SUFU: variants seen among roughly 807,000 people sequenced by gnomAD.
SUFU encodes the protein SUFU negative regulator of hedgehog signaling.
Under a neutral mutation model 58.9 loss-of-function variants are expected in SUFU, and 7 were observed. That is an observed-to-expected ratio of 0.12 (90% CI 0.07 to 0.22). The LOEUF is 0.22. Among genes scored for constraint, SUFU ranks in the 10% least tolerant of loss-of-function variants. SUFU has a pLI of 1.00. For missense variants in SUFU, 451 were observed against 641.3 expected, an observed-to-expected ratio of 0.70 and a Z score of 3.20; for synonymous variants, 232 against 254.8, an observed-to-expected ratio of 0.91 and a Z score of 0.85.
intron 11 of SUFU, 93 bp downstream of exon 11, chr10:102,627,336 T>G: frequency 8.5e-7 from 1 of 1,177,474 alleles, no homozygotes; most frequent in Non-Finnish European, 1.3e-6. Flanking sequence ...TGTGTGCGTG[T>G]GTACCTGTGG....
At chr10:102,529,210 A>G (rs1165535698) in intron 2 of SUFU, among the ~76,000 whole-genome samples, 1 of 152,210 alleles carries the variant, frequency 6.6e-6, no homozygotes, top group Non-Finnish European at 1.5e-5. Flanking sequence ...ATAAATAAAA[A>G]ATAATCTCTG....
At chr10:102,503,336 T>C (rs894239934), upstream of SUFU, among the ~76,000 whole-genome samples, 3 of 152,220 alleles carry the variant, frequency 2.0e-5, no homozygotes, top group Non-Finnish European at 4.4e-5. Context: ...GATCCGAAGA[T>C]TGGCAATTGG....
intron 3 of SUFU, among the ~76,000 whole-genome samples, chr10:102,580,258 T>G (rs1252382969): frequency 6.6e-6 from 1 of 152,222 alleles, no homozygotes; most frequent in East Asian, 1.9e-4. Context: ...TTGTAGCTTC[T>G]GAGCTGGGGA....
intron 3 of SUFU, among the ~76,000 whole-genome samples, chr10:102,566,398 G>A (rs1046366247): frequency 6.6e-5 from 10 of 152,190 alleles, no homozygotes; most frequent in African/African-American, 1.9e-4. Flanking sequence ...GGGAGGCTGA[G>A]ATGGGTGGAT....
rs1326254789 is a variant in SUFU at position 102,625,582 on chromosome 10, C to CA, written c.1297-1592dup. On this transcript the variant is annotated intron_variant, in intron 10 of 11. Coordinates refer to ENST00000369902, the MANE Select transcript of SUFU (RefSeq NM_016169.4). The surrounding 1 kb of genome is among the most constrained non-coding windows in gnomAD (Gnocchi z 4.7). Reference sequence around the variant, plus strand: ...AGTTCAGCATTCGGGAGCAGTACTCCAGGCACTAAATTGAGAGTCCAGACA... The same window carrying CA: ...AGTTCAGCATTCGGGAGCAGTACTCCAAGGCACTAAATTGAGAGTCCAGACA... 6.6e-6 allele frequency among the ~76,000 whole-genome samples: 1 copy of CA among 152,094 alleles called. No homozygotes were observed. Among genetic ancestry groups the CA allele is most frequent in the African/African-American group, 2.4e-5 (1 of 41,404 alleles).
At chr10:102,565,821 C>CAAGCGTAATCCCACCACGCCTGGCCGA (rs1590035603) in intron 3 of SUFU, among the ~76,000 whole-genome samples, 1 of 152,202 alleles carries the variant, frequency 6.6e-6, no homozygotes, top group East Asian at 1.9e-4. Flanking sequence ...GCTGGGATTA[C>CAAGCGTAATCCCACCACGCCTGGCCGA]AAGCGTGAGC....
chr10:102,553,136 T>G (rs2062935674), intron 3 of SUFU, among the ~76,000 whole-genome samples: 1 of 152,216 alleles, frequency 6.6e-6, no homozygotes, highest in Non-Finnish European at 1.5e-5. Flanking sequence ...ATTTTCCAGA[T>G]TTCTTGTGAT....
At chr10:102,550,742 CT>C (rs34653144) in intron 3 of SUFU, among the ~76,000 whole-genome samples, 48,096 of 139,090 alleles carry the variant, frequency 0.35, 8,104 homozygotes, top group African/African-American at 0.39. Flanking sequence ...GTTACAGTGA[CT>C]TTTTTTTTTT....
Position 102,534,322 on chromosome 10 carries a change from G to A in SUFU, c.318-15648G>A, listed in dbSNP as rs547023273. Among the ~76,000 whole-genome samples, 10 of 152,360 alleles carry A rather than the reference G, an allele frequency of 6.6e-5. No homozygotes were observed. The South Asian group carries it at 2.1e-3, about 32-fold the overall frequency. Reference sequence around the variant, plus strand: ...GGTGCCTATAGTCCCAGCTACTTGGGAGGCGGAGGCAGGAGAATGGCGTGA... The same window carrying A: ...GGTGCCTATAGTCCCAGCTACTTGGAAGGCGGAGGCAGGAGAATGGCGTGA... On this transcript the variant is annotated intron_variant, in intron 2 of 11. Coordinates refer to ENST00000369902, the MANE Select transcript of SUFU (RefSeq NM_016169.4).
At chr10:102,592,498 G>A in intron 3 of SUFU, 84 bp from the exon 4 acceptor site, 1 of 1,559,138 alleles carries the variant, frequency 6.4e-7, no homozygotes, top group South Asian at 1.1e-5. Context: ...AAGCCTCCCA[G>A]CCTGGGCTAG....
At chr10:102,582,564 C>A (rs566231919) in intron 3 of SUFU, among the ~76,000 whole-genome samples, 1 of 152,118 alleles carries the variant, frequency 6.6e-6, no homozygotes, top group Non-Finnish European at 1.5e-5. Flanking sequence ...CAGCACCCCC[C>A]ACGTTTTCAG....
chr10:102,512,992 T>A (rs2062419632), intron 2 of SUFU, among the ~76,000 whole-genome samples: 1 of 151,898 alleles, frequency 6.6e-6, no homozygotes, highest in African/African-American at 2.4e-5. Flanking sequence ...CACTGGAGCC[T>A]GGGAGTTTGA....
At chr10:102,547,829 G>A (rs548744032) in intron 2 of SUFU, among the ~76,000 whole-genome samples, 8 of 151,940 alleles carry the variant, frequency 5.3e-5, no homozygotes, top group East Asian at 1.9e-4. Flanking sequence ...AGAGAGGCGG[G>A]GGGGAGAGAG....
intron 8 of SUFU, among the ~76,000 whole-genome samples, chr10:102,602,598 CA>C (rs1266207357): frequency 1.3e-5 from 2 of 152,236 alleles, no homozygotes; most frequent in African/African-American, 2.4e-5. Flanking sequence ...TTTTGTGACA[CA>C]AGGCCTTACT....
intron 10 of SUFU, among the ~76,000 whole-genome samples, chr10:102,626,082 AGCTGTG>A (rs1295351685): frequency 3.3e-4 from 50 of 151,764 alleles, no homozygotes; most frequent in African/African-American, 9.9e-4. Context: ...AGACAGGTAG[AGCTGTG>A]GCCTGGGGGT....
At chr10:102,607,743 G>A (rs973666929) in intron 8 of SUFU, among the ~76,000 whole-genome samples, 7 of 151,234 alleles carry the variant, frequency 4.6e-5, no homozygotes, top group South Asian at 2.1e-4. Flanking sequence ...GTGAAACCCC[G>A]TCTCTACTAA....
At position 102,617,733 on chromosome 10, in the gene SUFU, C is replaced by T. The variant is rs1394049244; in HGVS notation, c.1296+305C>T. 8.6e-6 allele frequency: 5 copies of T among 578,930 alleles called. No individual in the cohort carries two copies. The highest frequency in any genetic ancestry group is 2.8e-5 in the East Asian group (1 of 35,610). 35.9% of individuals were successfully genotyped at this position (578,930 alleles called of 1,614,324 possible). On this transcript the variant is annotated intron_variant, in intron 10 of 11. Transcript: ENST00000369902. The surrounding 1 kb of genome is among the most constrained non-coding windows in gnomAD (Gnocchi z 4.4). Reference sequence around the variant, plus strand: ...AAATCCAGGTTGGAGGGATATAAGACTTTCTGCACCTTGGGTAAACCAAGG... The same window carrying T: ...AAATCCAGGTTGGAGGGATATAAGATTTTCTGCACCTTGGGTAAACCAAGG...
At chr10:102,535,349 G>A (rs750690534) in intron 2 of SUFU, among the ~76,000 whole-genome samples, 1 of 152,102 alleles carries the variant, frequency 6.6e-6, no homozygotes, top group Non-Finnish European at 1.5e-5. Flanking sequence ...AGCCGGGCAT[G>A]GTGGCACACG....
At chr10:102,539,807 A>T (rs1030912458) in intron 2 of SUFU, among the ~76,000 whole-genome samples, 4 of 152,220 alleles carry the variant, frequency 2.6e-5, no homozygotes, top group Non-Finnish European at 5.9e-5. Context: ...TTATCTATAC[A>T]CATAATATAA....
Sources: allele counts gnomAD v4.1 joint callset (sites outside exome capture counted in the v4.1 genomes callset), GRCh38; gene constraint gnomAD v4.1.1; non-coding constraint Gnocchi (gnomAD v3.1); transcripts MANE v1.5; gene names NCBI Gene and HGNC (gene_info 2026-07-23, HGNC 2026-07-21).